CYP4X1: variants seen among roughly 807,000 people sequenced by gnomAD.
CYP4X1 encodes cytochrome P450 4X1.
CYP4X1 carries 44 observed loss-of-function variants against 57.9 expected under a neutral mutation model. That is an observed-to-expected ratio of 0.76 (90% CI 0.60 to 0.98). The LOEUF is 0.98. CYP4X1 is among the 50% of genes least tolerant of loss of function. CYP4X1 has a pLI of 0.00. For synonymous variants in CYP4X1, 227 were observed against 228.6 expected (o/e 0.99, Z 0.06); for missense variants, 532 against 623.9 (o/e 0.85, Z 1.57).
chr1:46,982,321 C>G, the CYP4X1 span, among the ~76,000 whole-genome samples: 1 of 152,200 alleles, frequency 6.6e-6, no homozygotes. Context: ...TTGATAACAT[C>G]CAGGTTTTGA....
chr1:46,989,597 A>T, the CYP4X1 span, among the ~76,000 whole-genome samples: 3 of 152,228 alleles, frequency 2.0e-5, no homozygotes, highest in African/African-American at 7.2e-5. Flanking sequence ...AGACAAGACA[A>T]TCATAAGCAA....
At chr1:46,994,100 T>C in the CYP4X1 span, among the ~76,000 whole-genome samples, 88 of 152,210 alleles carry the variant, frequency 5.8e-4, no homozygotes, top group African/African-American at 2.1e-3. Flanking sequence ...CTTGAATTAA[T>C]TTTTGTATCA....
intron 11 of CYP4X1, 124 bp from the exon 12 acceptor site, chr1:47,049,876 C>A (rs1375164795): frequency 2.8e-6 from 3 of 1,060,312 alleles, no homozygotes; most frequent in Non-Finnish European, 4.0e-6. Flanking sequence ...TCAAAAGTTT[C>A]AATGGCATTT....
chr1:47,048,661 A>G (rs1265818935), intron 10 of CYP4X1, 32 bp downstream of exon 10: 4 of 1,592,218 alleles, frequency 2.5e-6, no homozygotes, highest in African/African-American at 1.4e-5. Flanking sequence ...AAATACTTCC[A>G]AGAACTAATG....
chr1:46,961,797 C>A, the CYP4X1 span: 1 of 1,290,924 alleles, frequency 7.7e-7, no homozygotes, highest in Admixed American at 2.3e-5. Flanking sequence ...CCACCCCAGA[C>A]CCTTGGTGCT....
the CYP4X1 span, among the ~76,000 whole-genome samples, chr1:46,977,646 A>G: frequency 6.6e-6 from 1 of 152,072 alleles, no homozygotes; most frequent in African/African-American, 2.4e-5. Flanking sequence ...ATACTCCACG[A>G]CAAGAGCACC....
rs375261274 is a variant in CYP4X1, at chr1:47,048,649, A to C, written c.1272+20A>C. 4.4e-6 allele frequency: 7 copies of C among 1,601,754 alleles called. No homozygotes were observed. Among genetic ancestry groups the C allele is most frequent in the Non-Finnish European group, 5.1e-6 (6 of 1,175,708 alleles). ...CCAAAGGTATGATTCTCTCTTGTAC[A>C]TAAATACTTCCAAGAACTAATGCTG... is the stretch of plus-strand genomic sequence containing the variant. On this transcript the variant is annotated intron_variant, in intron 10 of 11. Coordinates refer to ENST00000371901, the MANE Select transcript of CYP4X1 (RefSeq NM_178033.2).
downstream of CYP4X1, among the ~76,000 whole-genome samples, chr1:47,052,541 G>A (rs1307327473): frequency 1.3e-5 from 2 of 152,038 alleles, no homozygotes; most frequent in Non-Finnish European, 2.9e-5. Context: ...AAATGTCATT[G>A]GCATTCACCA....
chr1:47,000,511 C>T, the CYP4X1 span, among the ~76,000 whole-genome samples: 2 of 152,136 alleles, frequency 1.3e-5, no homozygotes, highest in Non-Finnish European at 2.9e-5. Context: ...CCATTTCCAA[C>T]TTTGACCTCC....
Position 47,024,005 on chromosome 1 carries a change from G to GGGAGGAGGGAGGAA in CYP4X1, c.177+24_177+37dup, listed in dbSNP as rs750515947. The GGGAGGAGGGAGGAA allele has an allele frequency of 1.1e-5, 17 of 1,607,150 alleles. No individual in the cohort carries two copies. Among genetic ancestry groups the GGGAGGAGGGAGGAA allele is most frequent in the East Asian group, 4.5e-5 (2 of 44,668 alleles). On this transcript the variant is annotated intron_variant, in intron 1 of 11. Transcript: ENST00000371901. ...CTTGGGCACCAGAAGGTAGATGGGA[G>GGGAGGAGGGAGGAA]GGAGGAGGGAGGAAGGAGGAGGGAG...
the CYP4X1 span, among the ~76,000 whole-genome samples, chr1:46,998,888 T>G: frequency 6.6e-6 from 1 of 152,180 alleles, no homozygotes; most frequent in Non-Finnish European, 1.5e-5. Context: ...TATAGGTATG[T>G]GGCTTTATTT....
At chr1:46,995,942 C>A in the CYP4X1 span, among the ~76,000 whole-genome samples, 3 of 152,274 alleles carry the variant, frequency 2.0e-5, no homozygotes, top group South Asian at 2.1e-4. Flanking sequence ...TTATTCACCC[C>A]CTGAGATACA....
chr1:47,046,988 C>G (rs568512271), intron 9 of CYP4X1, among the ~76,000 whole-genome samples: 1 of 152,296 alleles, frequency 6.6e-6, no homozygotes, highest in African/African-American at 2.4e-5. Context: ...TTGGCCTCAT[C>G]ATCATAATAT....
the CYP4X1 span, among the ~76,000 whole-genome samples, chr1:46,968,443 G>A: frequency 1.1e-3 from 171 of 152,098 alleles, no homozygotes; most frequent in African/African-American, 3.8e-3. Flanking sequence ...CTGTTGCCTC[G>A]CCCACCTCTT....
chr1:47,007,885 A>C, the CYP4X1 span, among the ~76,000 whole-genome samples: 1 of 152,222 alleles, frequency 6.6e-6, no homozygotes, highest in African/African-American at 2.4e-5. Context: ...AAAGAATAAA[A>C]AGAAATGAAC....
intron 8 of CYP4X1, among the ~76,000 whole-genome samples, chr1:47,043,231 T>A (rs1644265504): frequency 6.6e-6 from 1 of 152,208 alleles, no homozygotes; most frequent in South Asian, 2.1e-4. Context: ...TTTTTTCATA[T>A]ATTTGTTGGC....
At chr1:46,963,635 C>T in the CYP4X1 span, among the ~76,000 whole-genome samples, 1 of 152,144 alleles carries the variant, frequency 6.6e-6, no homozygotes, top group African/African-American at 2.4e-5. Flanking sequence ...GATGGGCTTC[C>T]CTTTGTGGGT....
At chr1:46,969,932 C>T in the CYP4X1 span, among the ~76,000 whole-genome samples, 1 of 152,262 alleles carries the variant, frequency 6.6e-6, no homozygotes, top group South Asian at 2.1e-4. Context: ...TTTTGTTGGG[C>T]AAGATAACCA....
In CYP4X1 at chr1:47,033,646, G is replaced by A. The variant is rs1644148078; in HGVS notation, c.492+278G>A. ...TGGTGATAGTTAGATAGTAAGTGCTGTAGATGTGTTTCATGGAGGGCGGGT... is the reference window on the plus strand; with the variant it reads ...TGGTGATAGTTAGATAGTAAGTGCTATAGATGTGTTTCATGGAGGGCGGGT... On this transcript the variant is annotated intron_variant, in intron 4 of 11. Transcript: ENST00000371901. Among the ~76,000 whole-genome samples the A allele has an allele frequency of 2.0e-5, 3 of 152,206 alleles. No individual in the cohort carries two copies. The South Asian group carries it at 6.2e-4, about 32-fold the overall frequency.
Sources: allele counts gnomAD v4.1 joint callset (sites outside exome capture counted in the v4.1 genomes callset), GRCh38; gene constraint gnomAD v4.1.1; transcripts MANE v1.5; gene names NCBI Gene and HGNC (gene_info 2026-07-23, HGNC 2026-07-21).